PSMD9: variants seen among roughly 807,000 people sequenced by gnomAD.
The protein encoded by PSMD9 is 26S proteasome non-ATPase regulatory subunit 9.
A neutral mutation model predicts 25.9 loss-of-function variants in PSMD9; 26 were observed. The observed-to-expected ratio is 1.00, with a 90% CI of 0.73 to 1.39. The LOEUF is 1.39. Ranked by LOEUF, PSMD9 falls within the 40% of genes most tolerant of loss-of-function variation. PSMD9 has a pLI of 0.00. For missense variants in PSMD9, 303 were observed against 299.3 expected (o/e 1.01, Z -0.09); for synonymous variants, 110 against 114.5 (o/e 0.96, Z 0.25).
intron 3 of PSMD9, among the ~76,000 whole-genome samples, chr12:121,900,171 A>T (rs1879349963): frequency 6.6e-6 from 1 of 152,108 alleles, no homozygotes; most frequent in Non-Finnish European, 1.5e-5. Flanking sequence ...GAAAATGAGA[A>T]TGGCATCTTG....
intron 2 of PSMD9, among the ~76,000 whole-genome samples, chr12:121,896,019 T>A (rs1269287972): frequency 6.6e-6 from 1 of 152,212 alleles, no homozygotes; most frequent in Non-Finnish European, 1.5e-5. Flanking sequence ...ATTTATTTAT[T>A]TTTTGAGACG....
chr12:121,904,700 C>T (rs1879503200), intron 4 of PSMD9, among the ~76,000 whole-genome samples: 2 of 121,386 alleles, frequency 1.6e-5, no homozygotes, highest in African/African-American at 6.4e-5. Flanking sequence ...CTCTGTCACC[C>T]AGGCTGGAGT....
At chr12:121,897,935 G>A (rs1231743547) in intron 2 of PSMD9, 1 of 152,186 alleles carries the variant, frequency 6.6e-6, no homozygotes, top group Non-Finnish European at 1.5e-5. Context: ...ATTTTGATTA[G>A]AATTGTAATA....
At chr12:121,900,400 T>A (rs1193279596) in intron 3 of PSMD9, among the ~76,000 whole-genome samples, 5 of 150,342 alleles carry the variant, frequency 3.3e-5, no homozygotes, top group Middle Eastern at 3.5e-3. Context: ...TTAAAAAAAA[T>A]TTTTTTTTGA....
At chr12:121,916,080 C>A in intron 5 of PSMD9, 136 bp downstream of exon 5, 2 of 1,187,926 alleles carry the variant, frequency 1.7e-6, no homozygotes, top group Non-Finnish European at 2.4e-6. Context: ...GCAGATAAAT[C>A]CTCGTGGTAG....
At chr12:121,910,846 C>A in intron 4 of PSMD9, 2 of 423,038 alleles carry the variant, frequency 4.7e-6, no homozygotes, top group South Asian at 1.7e-5. Context: ...GCAAATATCA[C>A]CCCTACCCAT....
intron 4 of PSMD9, among the ~76,000 whole-genome samples, chr12:121,904,430 C>T (rs987076478): frequency 2.7e-5 from 4 of 149,650 alleles, no homozygotes; most frequent in East Asian, 2.0e-4. Flanking sequence ...AAAAATTAGC[C>T]GGGTGTGGTG....
At chr12:121,911,036 T>A (rs1879704781) in intron 4 of PSMD9, 2 of 452,530 alleles carry the variant, frequency 4.4e-6, no homozygotes, top group Non-Finnish European at 8.9e-6. Flanking sequence ...GTAGTTTTTT[T>A]GTTTTGTTTT....
chr12:121,896,784 C>T lies in PSMD9; in HGVS notation c.241+1943C>T, dbSNP rs796471436. 7.5e-5 allele frequency among the ~76,000 whole-genome samples: 11 copies of T among 145,912 alleles called. No individual in the cohort carries two copies. In the East Asian group the frequency reaches 1.2e-3, roughly 16 times the overall value. ...CCAGGAGGCGGAGGTTGCCGTGAGC[C>T]GAGATTGTGCCATTGCACTCCAGCC... On this transcript the variant is annotated intron_variant, in intron 2 of 5. Coordinates refer to ENST00000541212, the MANE Select transcript of PSMD9 (RefSeq NM_002813.7).
chr12:121,892,756 G>C (rs1879123612), intron 1 of PSMD9, among the ~76,000 whole-genome samples: 1 of 151,856 alleles, frequency 6.6e-6, no homozygotes, highest in Non-Finnish European at 1.5e-5. Context: ...ATGTGCCTGT[G>C]GTCCCAGCTA....
In PSMD9 at chr12:121,903,019, A is replaced by T; in HGVS notation, c.467A>T (p.Asp156Val). 1 of 1,613,918 alleles carries T rather than the reference A, an allele frequency of 6.2e-7. No homozygotes were observed. Among genetic ancestry groups the T allele is most frequent in the East Asian group, 2.2e-5 (1 of 44,854 alleles). Residue 156 changes from aspartate to valine, a missense_variant, in exon 4 of 6, where the codon GAT (aspartate) becomes GTT (valine). Physicochemically the swap from Asp to Val is radical, Grantham distance 152 (BLOSUM62 -3). Transcript: ENST00000541212. ...SPASIAGLQV[D>V]DEIVEFGSVN... ...TTCCCTCTCCAGGGTCTGCAAGTGG[A>T]TGATGAGATTGTGGAGTTCGGCTCT...
At chr12:121,897,004 A>G (rs1879252730) in intron 2 of PSMD9, among the ~76,000 whole-genome samples, 1 of 152,092 alleles carries the variant, frequency 6.6e-6, no homozygotes, top group Non-Finnish European at 1.5e-5. Flanking sequence ...TGTAAAATAT[A>G]CACATGCGTG....
At chr12:121,889,566 A>T (rs762136671) in intron 1 of PSMD9, among the ~76,000 whole-genome samples, 4 of 152,188 alleles carry the variant, frequency 2.6e-5, no homozygotes, top group Non-Finnish European at 4.4e-5. Flanking sequence ...TATATGAATT[A>T]CCTGGGGATC....
intron 4 of PSMD9, among the ~76,000 whole-genome samples, chr12:121,907,489 C>CT (rs999779896): frequency 6.6e-6 from 1 of 152,040 alleles, no homozygotes; most frequent in Non-Finnish European, 1.5e-5. Flanking sequence ...GGCACCTGGC[C>CT]TTTTTTAGCG....
intron 3 of PSMD9, 85 bp from the exon 4 acceptor site, chr12:121,902,921 C>G: frequency 9.2e-7 from 1 of 1,084,294 alleles, no homozygotes. Flanking sequence ...GTGACCTTGG[C>G]ATTAAATTGG....
intron 4 of PSMD9, among the ~76,000 whole-genome samples, chr12:121,906,834 G>A (rs1879571567): frequency 6.7e-6 from 1 of 149,444 alleles, no homozygotes; most frequent in African/African-American, 2.5e-5. Flanking sequence ...AAAAAATTAG[G>A]TGTGGTGGTA....
In PSMD9 at chr12:121,916,504, C is replaced by T. The variant is rs1161737486; in HGVS notation, c.*193C>T. 1.5e-6 allele frequency: 1 copy of T among 676,040 alleles called. No homozygotes were observed. The highest frequency in any genetic ancestry group is 2.5e-6 in the Non-Finnish European group (1 of 404,004). 41.9% of individuals were successfully genotyped at this position (676,040 alleles called of 1,614,324 possible). ...ATTAAGGCATTCTTAAAAACTTAGGCTTGGCCTCTTTCACAAATTAGGCCA... is the reference window on the plus strand; with the variant it reads ...ATTAAGGCATTCTTAAAAACTTAGGTTTGGCCTCTTTCACAAATTAGGCCA... On this transcript the variant is annotated 3_prime_UTR_variant, in exon 6 of 6. Coordinates refer to ENST00000541212, the MANE Select transcript of PSMD9 (RefSeq NM_002813.7).
At chr12:121,906,535 T>A (rs1022462233) in intron 4 of PSMD9, among the ~76,000 whole-genome samples, 3 of 151,460 alleles carry the variant, frequency 2.0e-5, no homozygotes, top group Non-Finnish European at 4.4e-5. Context: ...CCTGGCACGG[T>A]GGCTCACACC....
chr12:121,903,182 A>T (rs1337960481), intron 4 of PSMD9, 75 bp downstream of exon 4: 3 of 1,289,216 alleles, frequency 2.3e-6, no homozygotes, highest in Non-Finnish European at 3.4e-6. Context: ...TGGCTTACAA[A>T]CAACAGAAGT....
Sources: gnomAD v4.1 joint callset for allele counts (sites outside exome capture counted in the v4.1 genomes callset) on GRCh38, gnomAD v4.1.1 for gene constraint, MANE v1.5 for transcripts, NCBI Gene and HGNC (gene_info 2026-07-23, HGNC 2026-07-21) for gene names.